The following IRX2 variants were observed in gnomAD, a reference collection of about 807,000 sequenced individuals.
IRX2 encodes the protein iroquois-class homeodomain protein IRX-2.
A neutral mutation model predicts 42.9 loss-of-function variants in IRX2; 26 were observed. The observed-to-expected ratio is 0.61, with a 90% CI of 0.44 to 0.84. The LOEUF is 0.84. Ranked by LOEUF, IRX2 falls within the 40% of genes least tolerant of loss-of-function variation. The pLI is 0.00. For synonymous variants in IRX2, 424 were observed against 353.9 expected (o/e 1.20, Z -2.22); for missense variants, 782 against 713.9 (o/e 1.10, Z -1.09).
rs1414525266 is a variant in IRX2, at chr5:2,748,748, C to A, written c.960G>T (p.Ala320=). ...TPQGSRTSPG[A]PPPASKPKLW... ...GCTTGGGCTTGCTGGCGGGGGGCGG[C>A]GCGCCCGGAGACGTCCGGCTGCCCT... Residue 320 remains alanine (A), a synonymous_variant, in exon 3 of 4, where the codon GCG becomes GCT. Coordinates refer to ENST00000302057, the MANE Select transcript of IRX2 (RefSeq NM_033267.5). 7.3e-7 allele frequency: 1 copy of A among 1,361,712 alleles called. No homozygotes were observed. The highest frequency in any genetic ancestry group is 3.2e-5 in the East Asian group (1 of 31,424). The allele number at this position is 1,361,712 out of a possible 1,614,324, so 84.4% of individuals were successfully genotyped here. A position where few individuals can be genotyped will look rare whatever the true frequency, so the allele number is the denominator to read the frequency against.
chr5:2,735,983 T>A, the IRX2 span, among the ~76,000 whole-genome samples: 1 of 152,158 alleles, frequency 6.6e-6, no homozygotes, highest in Non-Finnish European at 1.5e-5. Flanking sequence ...TCTGTGCCCT[T>A]CTCCACGTGG....
At chr5:2,738,871 G>T in the IRX2 span, among the ~76,000 whole-genome samples, 10 of 152,340 alleles carry the variant, frequency 6.6e-5, no homozygotes, top group South Asian at 8.3e-4. Context: ...AAGCCAATGG[G>T]CCTGGACGCC....
chr5:2,742,126 T>G (rs191411076), downstream of IRX2, among the ~76,000 whole-genome samples: 343 of 152,338 alleles, frequency 2.3e-3, no homozygotes, highest in Middle Eastern at 0.01. Flanking sequence ...CACATCCATC[T>G]GTTTCTAGGG....
In IRX2 at chr5:2,749,403, C is replaced by T; in HGVS notation, c.634G>A (p.Glu212Lys). ...ESPDKAQEGT[E>K]TSAEDEGISL... ...TCACCTTCGTCCTCTGCCGAGGTCT[C>T]CGTGCCCTCCTGCGCCTTGTCGGGA... The change falls in exon 2 of 4, where the codon GAG (glutamate) becomes AAG (lysine). Residue 212 changes from glutamate (E) to lysine (K), a missense_variant. Transcript: ENST00000302057. 7 of 1,612,644 alleles carry T rather than the reference C, an allele frequency of 4.3e-6. No homozygotes were observed. Among genetic ancestry groups the T allele is most frequent in the Non-Finnish European group, 5.9e-6 (7 of 1,179,442 alleles).
chr5:2,748,228 C>T (rs1737751193), intron 3 of IRX2, 117 bp downstream of exon 3: 2 of 951,112 alleles, frequency 2.1e-6, no homozygotes, highest in African/African-American at 3.5e-5. Flanking sequence ...TTCTGGGTCC[C>T]AGGAGTGGCC....
chr5:2,735,771 G>T, the IRX2 span, among the ~76,000 whole-genome samples: 10 of 152,192 alleles, frequency 6.6e-5, no homozygotes, highest in Non-Finnish European at 1.2e-4. Flanking sequence ...TGAGCTGAAT[G>T]CCAGGCCCCA....
the IRX2 span, among the ~76,000 whole-genome samples, chr5:2,740,179 G>GTTT: frequency 2.0e-5 from 3 of 147,054 alleles, no homozygotes; most frequent in African/African-American, 8.0e-5. Flanking sequence ...CAGTCGTGGC[G>GTTT]TGCGGGGGCG....
the IRX2 span, among the ~76,000 whole-genome samples, chr5:2,739,935 A>T: frequency 6.6e-6 from 1 of 152,106 alleles, no homozygotes; most frequent in Non-Finnish European, 1.5e-5. Context: ...CAGGAAGGGG[A>T]CTGAAGCCCG....
chr5:2,739,806 T>G, the IRX2 span, among the ~76,000 whole-genome samples: 2 of 151,686 alleles, frequency 1.3e-5, no homozygotes, highest in African/African-American at 4.8e-5. Context: ...CACGGAGGAG[T>G]CCCGACCACC....
Position 2,749,070 on chromosome 5 carries a change from CG to C in IRX2, c.656-19del, listed in dbSNP as rs753758328. 3.8e-6 allele frequency: 6 copies of C among 1,593,064 alleles called. No homozygotes were observed. Among genetic ancestry groups the C allele is most frequent in the Middle Eastern group, 3.3e-4 (2 of 6,032 alleles). On this transcript the variant is annotated intron_variant, in intron 2 of 3. Coordinates refer to ENST00000302057, the MANE Select transcript of IRX2 (RefSeq NM_033267.5). ...GCTGATCCCTGTGGGGGCGCGGGCA[CG>C]GTGGGTGGCACGAGGGGACAGCGCA...
Position 2,749,536 on chromosome 5 carries a change from G to T in IRX2, c.501C>A (p.Asn167Lys). Residue 167 changes from asparagine to lysine, a missense_variant, in exon 2 of 4, where the codon AAC becomes AAA. By Grantham distance (94) the Asn-to-Lys change is moderately conservative (BLOSUM62 0). Coordinates refer to ENST00000302057, the MANE Select transcript of IRX2 (RefSeq NM_033267.5). ...TLTQVSTWFA[N>K]ARRRLKKENK... ...TCTCCTTCTTGAGGCGCCGGCGCGC[G>T]TTGGCGAACCAGGTGGAGACCTGGG... 2 of 1,614,236 alleles carry T rather than the reference G, an allele frequency of 1.2e-6. No homozygotes were observed. The highest frequency in any genetic ancestry group is 1.7e-6 in the Non-Finnish European group (2 of 1,180,042).
Position 2,751,199 on chromosome 5 carries a change from G to T in IRX2, c.215C>A (p.Ala72Asp), listed in dbSNP as rs1737956104. ...FGSPLQYSADAAAAAAGFPSY... is the reference protein window; with the variant it reads ...FGSPLQYSADDAAAAAGFPSY... ...CGGGAAGCCGGCGGCGGCGGCGGCGGCGTCGGCCGAGTACTGCAGCGGGCT... is the reference window on the plus strand; with the variant it reads ...CGGGAAGCCGGCGGCGGCGGCGGCGTCGTCGGCCGAGTACTGCAGCGGGCT... Residue 72 changes from alanine (A) to aspartate (D), a missense_variant, in exon 1 of 4, where the codon GCC (alanine) becomes GAC (aspartate). Coordinates refer to ENST00000302057, the MANE Select transcript of IRX2 (RefSeq NM_033267.5). The surrounding 1 kb of genome is among the most constrained non-coding windows in gnomAD (Gnocchi z 4.0). 1 of 1,272,520 alleles carries T rather than the reference G, an allele frequency of 7.9e-7. No individual in the cohort carries two copies. Among genetic ancestry groups the T allele is most frequent in the Non-Finnish European group, 9.9e-7 (1 of 1,011,906 alleles). 78.8% of individuals were successfully genotyped at this position (1,272,520 alleles called of 1,614,324 possible). A position where few individuals can be genotyped will look rare whatever the true frequency, so the allele number is the denominator to read the frequency against.
rs1363579805 is a variant in IRX2 at position 2,751,385 on chromosome 5, T to C, written c.29A>G (p.Gln10Arg). 2.1e-6 allele frequency: 3 copies of C among 1,417,832 alleles called. No individual in the cohort carries two copies. In the South Asian group the frequency reaches 4.1e-5, roughly 19 times the overall value. The allele number at this position is 1,417,832 out of a possible 1,614,324, so 87.8% of individuals were successfully genotyped here. A position where few individuals can be genotyped will look rare whatever the true frequency, so the allele number is the denominator to read the frequency against. Reference sequence around the variant, plus strand: ...GTAGAGCGCCAGCGAGCCGGGCGCCTGGTACAGGTAGCCCTGCGGGTAGGA... The same window carrying C: ...GTAGAGCGCCAGCGAGCCGGGCGCCCGGTACAGGTAGCCCTGCGGGTAGGA... MSYPQGYLY[Q>R]APGSLALYSC... Residue 10 changes from glutamine (Q) to arginine (R), a missense_variant, in exon 1 of 4, where the codon CAG (glutamine) becomes CGG (arginine). By Grantham distance (43) the Gln-to-Arg change is conservative (BLOSUM62 1). This residue lies in a region of IRX2 where 256 missense variants were observed against 250.0 expected (regional missense o/e 1.02). Coordinates refer to ENST00000302057, the MANE Select transcript of IRX2 (RefSeq NM_033267.5). The surrounding 1 kb of genome is among the most constrained non-coding windows in gnomAD (Gnocchi z 4.0).
At chr5:2,744,388 TAGC>T (rs1258893462), downstream of IRX2, among the ~76,000 whole-genome samples, 9 of 152,216 alleles carry the variant, frequency 5.9e-5, no homozygotes, top group African/African-American at 1.9e-4. Context: ...ACATTACACA[TAGC>T]AGAGACATTG....
In IRX2 at chr5:2,751,408, G is replaced by A. The variant is rs1737977106; in HGVS notation, c.6C>T (p.Ser2=). The change falls in exon 1 of 4, where the codon TCC becomes TCT. Residue 2 remains serine, a synonymous_variant. Transcript: ENST00000302057. The surrounding 1 kb of genome is among the most constrained non-coding windows in gnomAD (Gnocchi z 4.0). The part of the protein sequence containing the change: M[S]YPQGYLYQAP... The stretch of plus-strand genomic sequence containing the variant: ...CCTGGTACAGGTAGCCCTGCGGGTA[G>A]GACATGGTGGGCGCGGGGCGCGGGG... The A allele has an allele frequency of 1.5e-6, 2 of 1,348,304 alleles. No individual in the cohort carries two copies. The highest frequency in any genetic ancestry group is 1.6e-5 in the South Asian group (1 of 62,294). The allele number at this position is 1,348,304 out of a possible 1,614,324, so 83.5% of individuals were successfully genotyped here. A position where few individuals can be genotyped will look rare whatever the true frequency, so the allele number is the denominator to read the frequency against.
intron 1 of IRX2, among the ~76,000 whole-genome samples, chr5:2,750,077 C>A (rs1248677649): frequency 1.3e-5 from 2 of 152,166 alleles, no homozygotes; most frequent in African/African-American, 4.8e-5. Context: ...TGTACACAAA[C>A]CCTTGCACGT....
chr5:2,743,056 G>A (rs554731712), downstream of IRX2, among the ~76,000 whole-genome samples: 1 of 152,186 alleles, frequency 6.6e-6, no homozygotes, highest in Non-Finnish European at 1.5e-5. Flanking sequence ...AAGTTAAAGA[G>A]AGCCTCAGGG....
rs1360225760 is a variant in IRX2, at chr5:2,751,512, C to A, written c.-99G>T. The A allele has an allele frequency of 1.2e-6, 1 of 860,846 alleles. No homozygotes were observed. The highest frequency in any genetic ancestry group is 1.9e-5 in the African/African-American group (1 of 53,670). The allele number at this position is 860,846 out of a possible 1,614,324, so 53.3% of individuals were successfully genotyped here. On this transcript the variant is annotated 5_prime_UTR_variant, in exon 1 of 4. Coordinates refer to ENST00000302057, the MANE Select transcript of IRX2 (RefSeq NM_033267.5). The surrounding 1 kb of genome is among the most constrained non-coding windows in gnomAD (Gnocchi z 4.0). ...GGCCGGGGCGCGGCGCGGCGGCGGG[C>A]ACCCGGACGGCCGGCGGAGGCAGGC... is the stretch of plus-strand genomic sequence containing the variant.
intron 3 of IRX2, 115 bp from the exon 4 acceptor site, chr5:2,747,731 T>G (rs1737725356): frequency 2.0e-6 from 2 of 1,013,210 alleles, no homozygotes; most frequent in Non-Finnish European, 3.0e-6. Flanking sequence ...GGAAACCGAC[T>G]GTCTCCAGGG....
Sources: allele counts gnomAD v4.1 joint callset (sites outside exome capture counted in the v4.1 genomes callset), GRCh38; gene constraint gnomAD v4.1.1; regional missense constraint gnomAD v4.1.1; non-coding constraint Gnocchi (gnomAD v3.1); transcripts MANE v1.5; gene names NCBI Gene and HGNC (gene_info 2026-07-23, HGNC 2026-07-21).